ROBO2: variants seen among roughly 807,000 people sequenced by gnomAD.
The protein encoded by ROBO2 is roundabout homolog 2.
A neutral mutation model predicts 160.8 loss-of-function variants in ROBO2; 53 were observed. That is an observed-to-expected ratio of 0.33 (90% confidence interval 0.26 to 0.41). ROBO2 has a LOEUF of 0.41. Ranked by LOEUF, ROBO2 falls within the 10% of genes least tolerant of loss-of-function variation. The probability of loss-of-function intolerance (pLI) is 1.00; values close to 1 mark genes in which losing one functional copy is unlikely to be tolerated. For synonymous variants in ROBO2, 664 were observed against 611.7 expected (o/e 1.09, Z -1.26); for missense variants, 1,577 against 1,722.4 (o/e 0.92, Z 1.49).
At chr3:76,152,750 G>A (rs1053473891) in intron 2 of ROBO2, among the ~76,000 whole-genome samples, 2 of 151,954 alleles carry the variant, frequency 1.3e-5, no homozygotes, top group African/African-American at 4.8e-5. Flanking sequence ...GTTTTAGGAA[G>A]GGAACTAACT....
intron 2 of ROBO2, among the ~76,000 whole-genome samples, chr3:77,433,416 G>A (rs367575299): frequency 4.8e-5 from 7 of 146,576 alleles, no homozygotes; most frequent in African/African-American, 1.8e-4. Flanking sequence ...TCTATATAAT[G>A]TTTATTAGGG....
chr3:77,544,671 G>A (rs1582847524), intron 6 of ROBO2, among the ~76,000 whole-genome samples: 1 of 152,042 alleles, frequency 6.6e-6, no homozygotes, highest in East Asian at 1.9e-4. Flanking sequence ...TTCTCCTGAA[G>A]GACTGAAATG....
chr3:76,288,619 T>C (rs1357425675), intron 2 of ROBO2, among the ~76,000 whole-genome samples: 1 of 152,080 alleles, frequency 6.6e-6, no homozygotes, highest in East Asian at 1.9e-4. Flanking sequence ...ACCTGAGAGT[T>C]TTCAATCTTC....
chr3:77,189,200 G>T (rs551871130), intron 2 of ROBO2, among the ~76,000 whole-genome samples: 2 of 151,894 alleles, frequency 1.3e-5, no homozygotes, highest in South Asian at 4.2e-4. Flanking sequence ...AACAAATTTT[G>T]TAAATGATTA....
intron 6 of ROBO2, among the ~76,000 whole-genome samples, chr3:77,534,288 G>T (rs1197135563): frequency 6.6e-6 from 1 of 151,642 alleles, no homozygotes; most frequent in Non-Finnish European, 1.5e-5. Flanking sequence ...ATTATTTTTG[G>T]AGCCTATTCA....
At chr3:76,584,334 C>CT (rs936724299) in intron 2 of ROBO2, among the ~76,000 whole-genome samples, 5 of 151,934 alleles carry the variant, frequency 3.3e-5, no homozygotes, top group African/African-American at 1.2e-4. Flanking sequence ...GATTCCCCCC[C>CT]AGAATCATAT....
intron 2 of ROBO2, among the ~76,000 whole-genome samples, chr3:76,335,984 G>C (rs2073865435): frequency 6.6e-6 from 1 of 152,148 alleles, no homozygotes; most frequent in African/African-American, 2.4e-5. Flanking sequence ...TGTAAACATA[G>C]GTTATATTCA....
At chr3:77,240,148 G>A (rs1024081017) in intron 2 of ROBO2, among the ~76,000 whole-genome samples, 54 of 152,248 alleles carry the variant, frequency 3.5e-4, no homozygotes, top group African/African-American at 1.2e-3. Flanking sequence ...ATGGGGCGGC[G>A]CCCGTCGGGG....
intron 2 of ROBO2, among the ~76,000 whole-genome samples, chr3:76,791,861 A>T (rs2063375836): frequency 2.0e-5 from 3 of 151,796 alleles, no homozygotes; most frequent in Admixed American, 2.0e-4. Flanking sequence ...AAATAGTACA[A>T]ACTTTAAAAA....
chr3:76,512,935 G>C (rs1029056284), intron 2 of ROBO2, among the ~76,000 whole-genome samples: 2 of 152,090 alleles, frequency 1.3e-5, no homozygotes, highest in Non-Finnish European at 2.9e-5. Context: ...ACAGCCATGA[G>C]CAAAACAAAA....
At chr3:76,373,464 A>T (rs1023075251) in intron 2 of ROBO2, among the ~76,000 whole-genome samples, 1 of 151,736 alleles carries the variant, frequency 6.6e-6, no homozygotes, top group African/African-American at 2.4e-5. Flanking sequence ...TTTCATGGAC[A>T]CTCTTGGATG....
intron 2 of ROBO2, among the ~76,000 whole-genome samples, chr3:76,366,774 C>T (rs562912312): frequency 4.6e-5 from 7 of 151,984 alleles, no homozygotes; most frequent in Middle Eastern, 3.4e-3. Flanking sequence ...ACAAAAATAT[C>T]TCTTCAAATG....
At chr3:76,154,051 G>T (rs1325136389) in intron 2 of ROBO2, among the ~76,000 whole-genome samples, 1 of 152,090 alleles carries the variant, frequency 6.6e-6, no homozygotes, top group Non-Finnish European at 1.5e-5. Context: ...ACACATAAAT[G>T]CAATCAGAAA....
chr3:77,414,713 T>C (rs1256100627), intron 2 of ROBO2, among the ~76,000 whole-genome samples: 1 of 152,204 alleles, frequency 6.6e-6, no homozygotes, highest in African/African-American at 2.4e-5. Context: ...TTGGTCTTTG[T>C]AGTGTGCAGT....
intron 2 of ROBO2, among the ~76,000 whole-genome samples, chr3:76,909,108 T>A (rs1361028314): frequency 6.6e-6 from 1 of 152,100 alleles, no homozygotes; most frequent in African/African-American, 2.4e-5. Flanking sequence ...CAGCCTGTTG[T>A]CCCAACTACT....
At chr3:77,118,678 T>A (rs1222303060) in intron 2 of ROBO2, among the ~76,000 whole-genome samples, 1 of 152,214 alleles carries the variant, frequency 6.6e-6, no homozygotes, top group Non-Finnish European at 1.5e-5. Context: ...TCAACAGATA[T>A]TTTTATGTAA....
chr3:76,609,599 T>A (rs1023874477), intron 2 of ROBO2, among the ~76,000 whole-genome samples: 17 of 152,318 alleles, frequency 1.1e-4, no homozygotes, highest in African/African-American at 3.8e-4. Context: ...ATTTGTTTAT[T>A]AGCTTGGATA....
intron 2 of ROBO2, among the ~76,000 whole-genome samples, chr3:76,610,148 A>G (rs1460093491): frequency 1.3e-5 from 2 of 152,136 alleles, no homozygotes; most frequent in Non-Finnish European, 2.9e-5. Context: ...TTCATCAAGG[A>G]TATTGGTCTA....
intron 1 of ROBO2, among the ~76,000 whole-genome samples, chr3:75,929,000 T>TGA (rs1189049339): frequency 4.9e-5 from 7 of 143,144 alleles, no homozygotes; most frequent in African/African-American, 1.3e-4. Flanking sequence ...TGTGTGTGTG[T>TGA]GATAGCTCAT....
Sources: gnomAD v4.1 joint callset for allele counts (sites outside exome capture counted in the v4.1 genomes callset) on GRCh38, gnomAD v4.1.1 for gene constraint, MANE v1.5 for transcripts, NCBI Gene and HGNC (gene_info 2026-07-23, HGNC 2026-07-21) for gene names.